The following PCDH15 variants were observed in gnomAD, a reference collection of about 807,000 sequenced individuals.
PCDH15 encodes protocadherin-15.
PCDH15 carries 129 observed loss-of-function variants against 178.5 expected under a neutral mutation model. The observed-to-expected ratio is 0.72, with a 90% CI of 0.63 to 0.84. PCDH15 has a LOEUF of 0.84. Among genes scored for constraint, PCDH15 ranks in the 40% least tolerant of loss-of-function variants. The pLI is 0.00. For missense variants in PCDH15, 2,230 were observed against 2,099.9 expected (o/e 1.06, Z -1.21); for synonymous variants, 800 against 732.0 (o/e 1.09, Z -1.50).
chr10:55,582,361 C>T (rs996340635), intron 2 of PCDH15, among the ~76,000 whole-genome samples: 2 of 151,872 alleles, frequency 1.3e-5, no homozygotes, highest in Non-Finnish European at 1.5e-5. Flanking sequence ...GATCGCCTTC[C>T]CCAACAGAAA....
chr10:54,913,282 T>C (rs1954848295), intron 2 of PCDH15, among the ~76,000 whole-genome samples: 1 of 152,148 alleles, frequency 6.6e-6, no homozygotes, highest in South Asian at 2.1e-4. Flanking sequence ...GCCAGGCCCA[T>C]GACCCTTCTC....
chr10:54,638,444 T>C (rs969805421), intron 2 of PCDH15, among the ~76,000 whole-genome samples: 2 of 152,054 alleles, frequency 1.3e-5, no homozygotes, highest in Admixed American at 6.6e-5. Context: ...TTTTGCTGTA[T>C]CTACAGTATA....
intron 28 of PCDH15, among the ~76,000 whole-genome samples, chr10:53,843,542 C>A (rs1010970606): frequency 4.0e-5 from 6 of 151,818 alleles, no homozygotes; most frequent in African/African-American, 1.5e-4. Context: ...ATGCTTAGAG[C>A]TGGATGGTAT....
At position 54,209,916 on chromosome 10, in the gene PCDH15, G is replaced by A. The variant is rs143756037; in HGVS notation, c.1098+4020C>T. On this transcript the variant is annotated intron_variant, in intron 10 of 37. Coordinates refer to ENST00000644397, the MANE Select transcript of PCDH15 (RefSeq NM_001384140.1). ...AGTGATTCATGTAGGGACAGGGGTT[G>A]TAGTAGCTGTCCTCCTCTTAGCCCT... Among the ~76,000 whole-genome samples the A allele has an allele frequency of 9.9e-5, 15 of 152,228 alleles. No homozygotes were observed. The East Asian group carries it at 2.5e-3, about 25-fold the overall frequency.
chr10:54,190,686 G>A (rs2048908234), intron 11 of PCDH15, among the ~76,000 whole-genome samples: 1 of 152,182 alleles, frequency 6.6e-6, no homozygotes, highest in African/African-American at 2.4e-5. Flanking sequence ...GATTATGAGT[G>A]AGCCACCACA....
chr10:54,023,873 C>A (rs2093004157), intron 18 of PCDH15, among the ~76,000 whole-genome samples: 1 of 147,874 alleles, frequency 6.8e-6, no homozygotes, highest in African/African-American at 2.5e-5. Context: ...CAGTTCTTAA[C>A]ACAATACTTC....
Position 54,167,417 on chromosome 10 carries a change from C to G in PCDH15, c.1591-14124G>C, listed in dbSNP as rs542917491. ...AGAGACAAAGGAGACACATTTTATC[C>G]GTGGACCCAAAACTCCGGCGCCGGT... On this transcript the variant is annotated intron_variant, in intron 13 of 37. Coordinates refer to ENST00000644397, the MANE Select transcript of PCDH15 (RefSeq NM_001384140.1). 3.4e-4 allele frequency among the ~76,000 whole-genome samples: 51 copies of G among 152,154 alleles called. No homozygotes were observed. In the South Asian group the frequency reaches 0.011, roughly 32 times the overall value.
At chr10:55,401,558 T>C (rs1838067851) in intron 2 of PCDH15, among the ~76,000 whole-genome samples, 1 of 150,956 alleles carries the variant, frequency 6.6e-6, no homozygotes, top group Admixed American at 6.6e-5. Context: ...CTAACGGACA[T>C]GACTTACCAC....
intron 3 of PCDH15, among the ~76,000 whole-genome samples, chr10:54,846,563 C>T (rs1953521122): frequency 6.6e-6 from 1 of 152,142 alleles, no homozygotes; most frequent in South Asian, 2.1e-4. Flanking sequence ...TCATACCAAA[C>T]TCAACATCCT....
At chr10:54,799,357 T>A (rs2133687604) in intron 1 of PCDH15, among the ~76,000 whole-genome samples, 1 of 152,188 alleles carries the variant, frequency 6.6e-6, no homozygotes, top group East Asian at 1.9e-4. Flanking sequence ...TTTCACTGGG[T>A]TTTTTTAAAG....
chr10:54,175,854 C>T (rs1241586712), intron 13 of PCDH15, among the ~76,000 whole-genome samples: 1 of 151,766 alleles, frequency 6.6e-6, no homozygotes, highest in South Asian at 2.1e-4. Context: ...TGATATATTA[C>T]CTATGATATA....
At chr10:54,720,243 A>T (rs12412622) in intron 1 of PCDH15, among the ~76,000 whole-genome samples, 20,099 of 152,102 alleles carry the variant, frequency 0.13, 1,416 homozygotes, top group East Asian at 0.25. Flanking sequence ...ATACATGCAC[A>T]AGCATGTTTA....
chr10:55,330,487 A>T (rs1681405414), intron 2 of PCDH15, among the ~76,000 whole-genome samples: 1 of 151,932 alleles, frequency 6.6e-6, no homozygotes, highest in Non-Finnish European at 1.5e-5. Context: ...GAATAAAAAG[A>T]TCTGTCAAAT....
chr10:54,482,425 C>T (rs184672332), intron 3 of PCDH15, among the ~76,000 whole-genome samples: 1 of 151,602 alleles, frequency 6.6e-6, no homozygotes, highest in Admixed American at 6.6e-5. Flanking sequence ...TAAAAGAATG[C>T]CCAGAAAATC....
chr10:54,831,411 T>A (rs960277403), intron 3 of PCDH15, among the ~76,000 whole-genome samples: 1 of 152,132 alleles, frequency 6.6e-6, no homozygotes, highest in African/African-American at 2.4e-5. Context: ...AGGTATAGGA[T>A]TGAATGATTT....
chr10:54,534,429 C>A (rs1224018420), intron 2 of PCDH15, among the ~76,000 whole-genome samples: 1 of 152,070 alleles, frequency 6.6e-6, no homozygotes, highest in Admixed American at 6.6e-5. Context: ...AAATAGACTC[C>A]TTGAACTTGA....
chr10:54,325,336 G>C (rs371202031), intron 7 of PCDH15, among the ~76,000 whole-genome samples: 1 of 152,076 alleles, frequency 6.6e-6, no homozygotes. Context: ...TATTCTTTTA[G>C]AGGCCATATA....
intron 2 of PCDH15, among the ~76,000 whole-genome samples, chr10:55,090,961 C>A (rs1039574098): frequency 6.6e-6 from 1 of 151,844 alleles, no homozygotes; most frequent in African/African-American, 2.4e-5. Context: ...CTATTAGCAT[C>A]CTGCAGAACT....
rs549563159 is a variant in PCDH15 at position 54,550,955 on chromosome 10, T to C, written c.92-23078A>G. 2.6e-5 allele frequency among the ~76,000 whole-genome samples: 4 copies of C among 151,692 alleles called. No individual in the cohort carries two copies. The South Asian group carries it at 8.3e-4, about 32-fold the overall frequency. Reference sequence around the variant, plus strand: ...AGGATCACTTGAGGCCAGGAGTTCATGACCAACCTGGCAAACATGGCAAAA... The same window carrying C: ...AGGATCACTTGAGGCCAGGAGTTCACGACCAACCTGGCAAACATGGCAAAA... On this transcript the variant is annotated intron_variant, in intron 2 of 37. Transcript: ENST00000644397.
Sources: gnomAD v4.1 joint callset for allele counts (sites outside exome capture counted in the v4.1 genomes callset) on GRCh38, gnomAD v4.1.1 for gene constraint, MANE v1.5 for transcripts, NCBI Gene and HGNC (gene_info 2026-07-23, HGNC 2026-07-21) for gene names.